TAB3: variants seen among roughly 807,000 people sequenced by gnomAD.
The protein encoded by TAB3 is TGF-beta-activated kinase 1 and MAP3K7-binding protein 3.
TAB3 carries 18 observed loss-of-function variants against 48.1 expected under a neutral mutation model. The ratio of observed to expected loss-of-function variants is 0.37; its 90% CI spans 0.26 to 0.55. The LOEUF is 0.55. Ranked by LOEUF, TAB3 falls within the 20% of genes least tolerant of loss-of-function variation. The pLI is 0.78. For synonymous variants in TAB3, 185 were observed against 190.2 expected, an observed-to-expected ratio of 0.97 and a Z score of 0.22; for missense variants, 414 against 549.8, an observed-to-expected ratio of 0.75 and a Z score of 2.47.
intron 1 of TAB3, among the ~76,000 whole-genome samples, chrX:30,877,118 T>C (rs921854798): frequency 8.9e-6 from 1 of 112,219 alleles, no homozygotes; most frequent in African/African-American, 3.2e-5. Context: ...GGGAGATTAC[T>C]TTCAAAGAAG....
chrX:30,851,004 G>T (rs1334272438), intron 7 of TAB3, among the ~76,000 whole-genome samples: 1 of 111,724 alleles, frequency 9.0e-6, no homozygotes, highest in Non-Finnish European at 1.9e-5. Context: ...ACTACGGGTG[G>T]ATTCCCATAT....
At chrX:30,841,861 T>A (rs1442240335) in intron 9 of TAB3, among the ~76,000 whole-genome samples, 1 of 112,069 alleles carries the variant, frequency 8.9e-6, no homozygotes, top group African/African-American at 3.2e-5. Context: ...TAGGCTGGAG[T>A]ACAGTGGCGC....
At position 30,831,284 on chromosome X, in the gene TAB3, A is replaced by G. The variant is rs771606950; in HGVS notation, c.*143T>C. On this transcript the variant is annotated 3_prime_UTR_variant, in exon 11 of 11. Coordinates refer to ENST00000288422, the MANE Select transcript of TAB3 (RefSeq NM_152787.5). The stretch of plus-strand genomic sequence containing the variant: ...TCCCCATTTTTCCTTTCGTGAGCAC[A>G]ACGACGACCACAAAGCCATTCCTCC... The G allele has an allele frequency of 1.2e-4, 87 of 710,297 alleles. No homozygotes were observed. Among genetic ancestry groups the G allele is most frequent in the South Asian group, 3.6e-4 (8 of 22,008 alleles). 58.5% of individuals were successfully genotyped at this position (710,297 alleles called of 1,213,427 possible).
At chrX:30,875,731 G>A (rs1939813080) in intron 1 of TAB3, among the ~76,000 whole-genome samples, 1 of 112,267 alleles carries the variant, frequency 8.9e-6, no homozygotes, top group Non-Finnish European at 1.9e-5. Flanking sequence ...CAAGGTTGAA[G>A]AGACTTAAAA....
chrX:30,841,157 C>T (rs1205548046), intron 9 of TAB3, among the ~76,000 whole-genome samples: 3 of 112,013 alleles, frequency 2.7e-5, no homozygotes, highest in East Asian at 2.8e-4. Context: ...TGGCCAGGTG[C>T]GGTAGCTCAT....
chrX:30,832,101 T>C (rs1247355397), intron 10 of TAB3, among the ~76,000 whole-genome samples: 1 of 112,298 alleles, frequency 8.9e-6, no homozygotes, highest in Non-Finnish European at 1.9e-5. Context: ...CATACCAAAG[T>C]TTTCCTCAGA....
rs770988576 is a variant in TAB3 at position 30,875,474 on chromosome X, C to CTT, written c.-382-3675_-382-3674dup. Among the ~76,000 whole-genome samples the CTT allele has an allele frequency of 1.2e-4, 12 of 101,454 alleles. No homozygotes were observed. The South Asian group carries it at 1.7e-3, about 15-fold the overall frequency. 88.1% of individuals were successfully genotyped at this position (101,454 alleles called of 115,157 possible). ...AATCTAGGAATCTCAGCAGAACTGC[C>CTT]TTTTTTTTTTTTCCTATTTCACAAG... is the stretch of plus-strand genomic sequence containing the variant. On this transcript the variant is annotated intron_variant, in intron 1 of 10. Coordinates refer to ENST00000288422, the MANE Select transcript of TAB3 (RefSeq NM_152787.5).
At chrX:30,840,617 C>G (rs1406070207) in intron 9 of TAB3, among the ~76,000 whole-genome samples, 2 of 111,009 alleles carry the variant, frequency 1.8e-5, no homozygotes, top group African/African-American at 6.6e-5. Context: ...GTAAGTCTCA[C>G]GAGATCTGAT....
Position 30,829,185 on chromosome X carries a change from A to ATGT in TAB3, c.*2241_*2242insACA, listed in dbSNP as rs920998433. The stretch of plus-strand genomic sequence containing the variant: ...AGGATTGAAACCATGCATCTACTGT[A>ATGT]TAACAGCTTATTAACCTTGATGTAT... On this transcript the variant is annotated 3_prime_UTR_variant, in exon 11 of 11. Coordinates refer to ENST00000288422, the MANE Select transcript of TAB3 (RefSeq NM_152787.5). 2 of 112,392 alleles carry ATGT rather than the reference A, an allele frequency of 1.8e-5. No individual in the cohort carries two copies. The highest frequency in any genetic ancestry group is 6.5e-5 in the African/African-American group (2 of 30,858). 9.3% of individuals were successfully genotyped at this position (112,392 alleles called of 1,213,427 possible). A position where few individuals can be genotyped will look rare whatever the true frequency, so the allele number is the denominator to read the frequency against.
At chrX:30,872,988 AT>A (rs1939704906) in intron 1 of TAB3, among the ~76,000 whole-genome samples, 1 of 112,280 alleles carries the variant, frequency 8.9e-6, no homozygotes, top group African/African-American at 3.2e-5. Context: ...AAGTTAAACA[AT>A]ATCTCACCAG....
chrX:30,864,306 A>G (rs913429669), intron 4 of TAB3, among the ~76,000 whole-genome samples: 2 of 111,991 alleles, frequency 1.8e-5, no homozygotes, highest in Admixed American at 1.9e-4. Flanking sequence ...GATTCTGCAG[A>G]GTTTTAAGCC....
intron 7 of TAB3, 115 bp downstream of exon 7, chrX:30,852,663 T>C (rs1180916196): frequency 1.2e-6 from 1 of 829,758 alleles, no homozygotes; most frequent in Non-Finnish European, 1.6e-6. Context: ...AAAGCAACAA[T>C]AACAACAACA....
intron 10 of TAB3, 104 bp downstream of exon 10, chrX:30,833,946 TG>T: frequency 2.8e-6 from 2 of 720,614 alleles, no homozygotes; most frequent in Non-Finnish European, 4.1e-6. Flanking sequence ...AACTCGGTAA[TG>T]TTTTTAAAGC....
At chrX:30,836,775 C>T (rs975024173) in intron 9 of TAB3, 5 of 111,408 alleles carry the variant, frequency 4.5e-5, no homozygotes, top group African/African-American at 9.8e-5. Flanking sequence ...CCTGGGAGGT[C>T]GAGGCTGCAA....
rs147653098 is a variant in TAB3, at chrX:30,828,625, C to T, written c.*2802G>A. 2.3e-4 allele frequency: 26 copies of T among 112,495 alleles called. No individual in the cohort carries two copies. Among genetic ancestry groups the T allele is most frequent in the African/African-American group, 8.4e-4 (26 of 30,970 alleles). 9.3% of individuals were successfully genotyped at this position (112,495 alleles called of 1,213,427 possible). A position where few individuals can be genotyped will look rare whatever the true frequency, so the allele number is the denominator to read the frequency against. ...CAATGTACTTTAACAAAATGGCAAACGTGCTTTCTAAAATCCCAGTTTACA... is the reference window on the plus strand; with the variant it reads ...CAATGTACTTTAACAAAATGGCAAATGTGCTTTCTAAAATCCCAGTTTACA... On this transcript the variant is annotated 3_prime_UTR_variant, in exon 11 of 11. Transcript: ENST00000288422.
intron 5 of TAB3, 94 bp downstream of exon 5, chrX:30,859,393 A>ACACACACACACACAC: frequency 9.4e-6 from 4 of 425,242 alleles, no homozygotes; most frequent in Admixed American, 5.3e-5. Flanking sequence ...CACACACACA[A>ACACACACACACACAC]GAAAACATAC....
At chrX:30,872,446 C>G (rs1939689481) in intron 1 of TAB3, among the ~76,000 whole-genome samples, 1 of 111,647 alleles carries the variant, frequency 9.0e-6, no homozygotes, top group Non-Finnish European at 1.9e-5. Context: ...ATTGGAAGAC[C>G]TTCCCCATGA....
chrX:30,876,632 A>C (rs1458282337), intron 1 of TAB3, among the ~76,000 whole-genome samples: 1 of 111,151 alleles, frequency 9.0e-6, no homozygotes, highest in Non-Finnish European at 1.9e-5. Context: ...CAGTCTCCTG[A>C]GTAGCTGAGA....
At chrX:30,863,487 T>A (rs1403916359) in intron 4 of TAB3, among the ~76,000 whole-genome samples, 2 of 112,068 alleles carry the variant, frequency 1.8e-5, no homozygotes, top group African/African-American at 3.2e-5. Context: ...GGTGACTGGA[T>A]GATAGGGGCA....
Sources: allele counts gnomAD v4.1 joint callset (sites outside exome capture counted in the v4.1 genomes callset), GRCh38; gene constraint gnomAD v4.1.1; transcripts MANE v1.5; gene names NCBI Gene and HGNC (gene_info 2026-07-23, HGNC 2026-07-21).